Variants in EVC2 observed in about 807,000 individuals in gnomAD.
EVC2 encodes limbin.
A neutral mutation model predicts 149.3 loss-of-function variants in EVC2; 148 were observed. The observed-to-expected ratio is 0.99, with a 90% CI of 0.87 to 1.14. The LOEUF (loss-of-function observed/expected upper bound fraction) is 1.14, where lower values mean the gene tolerates loss of function less well. Ranked by LOEUF, EVC2 falls within the 50% of genes most tolerant of loss-of-function variation. The pLI, the probability that EVC2 is intolerant of heterozygous loss-of-function variation, is 0.00. For synonymous variants in EVC2, 776 were observed against 649.9 expected (o/e 1.19, Z -2.95); for missense variants, 1,854 against 1,627.3 (o/e 1.14, Z -2.40).
intron 17 of EVC2, among the ~76,000 whole-genome samples, chr4:5,583,810 T>C (rs1488488785): frequency 2.6e-5 from 4 of 151,966 alleles, no homozygotes; most frequent in Non-Finnish European, 4.4e-5. Flanking sequence ...ATCAATTCTA[T>C]GGTAGTTTTG....
Position 5,562,823 on chromosome 4 carries a change from T to A in EVC2, c.*25A>T, listed in dbSNP as rs1371753220. 6.2e-7 allele frequency: 1 copy of A among 1,612,834 alleles called. No individual in the cohort carries two copies. The highest frequency in any genetic ancestry group is 8.5e-7 in the Non-Finnish European group (1 of 1,180,052). On this transcript the variant is annotated 3_prime_UTR_variant, in exon 22 of 22. Coordinates refer to ENST00000344408, the MANE Select transcript of EVC2 (RefSeq NM_147127.5). The surrounding 1 kb of genome is among the most constrained non-coding windows in gnomAD (Gnocchi z 4.3). ...GAAAATCATCCCTTCTCTCTTCAGA[T>A]GCTCCCGCAGGTCTTTCCCTTGGGC...
At position 5,696,615 on chromosome 4, in the gene EVC2, T is replaced by G. The variant is rs986968123; in HGVS notation, c.283+978A>C. ...CATTTTTCCCACCATGGGGAAAGGA[T>G]GTAACTGCCTGTGAAAGATGCTCAC... On this transcript the variant is annotated intron_variant, in intron 2 of 21. Transcript: ENST00000344408. This position sits in a 1 kb window ranked among gnomAD's most constrained non-coding sequence, Gnocchi z 4.1. 2.0e-5 allele frequency among the ~76,000 whole-genome samples: 3 copies of G among 152,150 alleles called. No individual in the cohort carries two copies. The highest frequency in any genetic ancestry group is 7.2e-5 in the African/African-American group (3 of 41,424).
intron 16 of EVC2, among the ~76,000 whole-genome samples, chr4:5,593,587 G>A (rs1713043270): frequency 6.6e-6 from 1 of 152,182 alleles, no homozygotes; most frequent in Admixed American, 6.5e-5. Context: ...CTAGGGGGTG[G>A]AGCAAAGATG....
chr4:5,554,740 C>G (rs776503068), intron 21 of EVC2, among the ~76,000 whole-genome samples: 1 of 152,136 alleles, frequency 6.6e-6, no homozygotes, highest in Non-Finnish European at 1.5e-5. Context: ...TCTATCATAG[C>G]CAGAAGCCCT....
chr4:5,649,050 C>T (rs1017000625), intron 9 of EVC2, among the ~76,000 whole-genome samples: 7 of 152,160 alleles, frequency 4.6e-5, no homozygotes, highest in African/African-American at 7.2e-5. Context: ...ATGAAATACA[C>T]GTATTTTTCC....
At chr4:5,616,502 G>A (rs1715265684) in intron 15 of EVC2, among the ~76,000 whole-genome samples, 1 of 152,218 alleles carries the variant, frequency 6.6e-6, no homozygotes, top group African/African-American at 2.4e-5. Flanking sequence ...TTCCCTGGTG[G>A]TGACACAACG....
chr4:5,699,972 C>T lies in EVC2; in HGVS notation c.229-2325G>A, dbSNP rs543657211. ...TCTGGCCCACATGGTGAAACCCTGC[C>T]TCTACTAAAAATACACAAATTAGCT... On this transcript the variant is annotated intron_variant, in intron 1 of 21. Transcript: ENST00000344408. Among the ~76,000 whole-genome samples the T allele has an allele frequency of 1.7e-3, 261 of 151,986 alleles. 1 individual carries two copies. The highest frequency in any genetic ancestry group is 0.017 in the Middle Eastern group (5 of 294).
At chr4:5,536,438 T>C in the EVC2 span, among the ~76,000 whole-genome samples, 1 of 152,164 alleles carries the variant, frequency 6.6e-6, no homozygotes, top group Non-Finnish European at 1.5e-5. Flanking sequence ...ACATAAAAAT[T>C]AAAATGACAA....
At chr4:5,606,956 C>T (rs1167932892) in intron 16 of EVC2, among the ~76,000 whole-genome samples, 1 of 152,160 alleles carries the variant, frequency 6.6e-6, no homozygotes, top group Non-Finnish European at 1.5e-5. Flanking sequence ...ACTCTGGAGC[C>T]AGCAGTCTGG....
chr4:5,674,027 G>C (rs922139177), intron 7 of EVC2, among the ~76,000 whole-genome samples: 2 of 145,596 alleles, frequency 1.4e-5, no homozygotes, highest in African/African-American at 5.1e-5. Flanking sequence ...GATGAACATG[G>C]GAGATGAGAC....
At chr4:5,693,939 A>C (rs528314372) in intron 3 of EVC2, among the ~76,000 whole-genome samples, 2 of 152,364 alleles carry the variant, frequency 1.3e-5, no homozygotes, top group East Asian at 3.9e-4. Flanking sequence ...AATGAGGCTC[A>C]AGTGAGATTA....
chr4:5,593,303 G>A (rs1007155558), intron 16 of EVC2, among the ~76,000 whole-genome samples: 2 of 152,124 alleles, frequency 1.3e-5, no homozygotes, highest in African/African-American at 4.8e-5. Context: ...CCAGTCACCT[G>A]CCTGCCCTTC....
At chr4:5,684,639 C>T (rs978991512) in intron 6 of EVC2, among the ~76,000 whole-genome samples, 9 of 152,186 alleles carry the variant, frequency 5.9e-5, no homozygotes, top group African/African-American at 1.7e-4. Context: ...TAAGTGAACC[C>T]ACCACAGGGG....
the EVC2 span, among the ~76,000 whole-genome samples, chr4:5,532,435 C>T: frequency 2.6e-5 from 4 of 152,142 alleles, no homozygotes; most frequent in Non-Finnish European, 5.9e-5. Flanking sequence ...CACTATGGCC[C>T]GGCCAAGTTG....
intron 8 of EVC2, among the ~76,000 whole-genome samples, chr4:5,663,738 C>A (rs1013919616): frequency 6.6e-6 from 1 of 151,910 alleles, no homozygotes; most frequent in South Asian, 2.1e-4. Flanking sequence ...CTGGCCAACA[C>A]GGTGAAACCC....
At chr4:5,585,081 T>C (rs2108789205) in intron 16 of EVC2, among the ~76,000 whole-genome samples, 1 of 152,208 alleles carries the variant, frequency 6.6e-6, no homozygotes, top group Non-Finnish European at 1.5e-5. Context: ...ATATGTATCA[T>C]CCTCAAGAGT....
At chr4:5,682,189 C>T (rs919384348) in intron 6 of EVC2, among the ~76,000 whole-genome samples, 3 of 152,106 alleles carry the variant, frequency 2.0e-5, no homozygotes, top group Admixed American at 6.6e-5. Flanking sequence ...GCAGCAGCAG[C>T]AGCAGTAGTA....
intron 21 of EVC2, among the ~76,000 whole-genome samples, chr4:5,563,383 T>G (rs1169508736): frequency 2.0e-5 from 3 of 152,220 alleles, no homozygotes; most frequent in South Asian, 4.1e-4. Context: ...GTTTCGCTCT[T>G]GTTGCCCAGA....
intron 19 of EVC2, among the ~76,000 whole-genome samples, chr4:5,571,186 C>T (rs1198663357): frequency 1.3e-5 from 2 of 151,640 alleles, no homozygotes; most frequent in Admixed American, 1.3e-4. Flanking sequence ...GGCGTGGTGG[C>T]GTGTGCCTGT....
Sources: allele counts gnomAD v4.1 joint callset (sites outside exome capture counted in the v4.1 genomes callset), GRCh38; gene constraint gnomAD v4.1.1; non-coding constraint Gnocchi (gnomAD v3.1); transcripts MANE v1.5; gene names NCBI Gene and HGNC (gene_info 2026-07-23, HGNC 2026-07-21).